WAC: variants seen among roughly 807,000 people sequenced by gnomAD.
WAC encodes the protein WW domain containing adaptor with coiled-coil.
Under a neutral mutation model 79.6 loss-of-function variants are expected in WAC, and 11 were observed. The observed-to-expected ratio is 0.14, with a 90% CI of 0.09 to 0.23. The LOEUF is 0.23. Among genes scored for constraint, WAC ranks in the 10% least tolerant of loss-of-function variants. WAC has a pLI of 1.00. For missense variants in WAC, 728 were observed against 773.5 expected (o/e 0.94, Z 0.70); for synonymous variants, 304 against 276.9 (o/e 1.10, Z -0.97).
Position 28,534,026 on chromosome 10 carries a change from C to G in WAC, c.70C>G (p.Pro24Ala), listed in dbSNP as rs1355086566. The part of the protein sequence containing the change: ...GCHDRRGDSQ[P>A]YQALKYSSKS... ...TCACGACCGGAGGGGGGACTCGCAG[C>G]CTTACCAGGTACCAGCCGAGGCCGG... Residue 24 changes from proline (P) to alanine (A), a missense_variant, in exon 2 of 14, where the codon CCT (proline) becomes GCT (alanine). Transcript: ENST00000354911. The G allele has an allele frequency of 6.3e-7, 1 of 1,591,112 alleles. No individual in the cohort carries two copies. The highest frequency in any genetic ancestry group is 2.4e-5 in the East Asian group (1 of 41,772).
At chr10:28,615,588 T>G (rs1401570171) in intron 11 of WAC, 2 of 152,218 alleles carry the variant, frequency 1.3e-5, no homozygotes, top group Non-Finnish European at 2.9e-5. Context: ...GAGATCAACT[T>G]GGGTGATTAA....
chr10:28,579,647 T>C (rs1564398133), intron 3 of WAC, among the ~76,000 whole-genome samples: 1 of 152,144 alleles, frequency 6.6e-6, no homozygotes, highest in African/African-American at 2.4e-5. Flanking sequence ...CTCTAGAAAA[T>C]CATAACCACC....
chr10:28,595,953 G>T lies in WAC; in HGVS notation c.831G>T (p.Lys277Asn). Residue 277 changes from lysine (K) to asparagine (N), a missense_variant, in exon 7 of 14, where the codon AAG becomes AAT. Lys to Asn is a moderately conservative substitution (Grantham distance 94). Transcript: ENST00000354911. ...CGCTACAGTCTGATCACCAGCCAAAGAAATCATTTGATGCTAATGGAGCAT... is the reference window on the plus strand; with the variant it reads ...CGCTACAGTCTGATCACCAGCCAAATAAATCATTTGATGCTAATGGAGCAT... ...PFTLQSDHQP[K>N]KSFDANGAST... is the part of the protein sequence containing the mutation. 6.2e-7 allele frequency: 1 copy of T among 1,614,130 alleles called. No homozygotes were observed. The highest frequency in any genetic ancestry group is 1.1e-5 in the South Asian group (1 of 91,086).
At chr10:28,592,060 A>T (rs184322927) in intron 6 of WAC, among the ~76,000 whole-genome samples, 1 of 152,268 alleles carries the variant, frequency 6.6e-6, no homozygotes, top group African/African-American at 2.4e-5. Flanking sequence ...ACAGTAACAT[A>T]CATCTGCAGG....
chr10:28,558,935 T>A (rs578224288), intron 3 of WAC, among the ~76,000 whole-genome samples: 1 of 152,196 alleles, frequency 6.6e-6, no homozygotes, highest in South Asian at 2.1e-4. Flanking sequence ...CGAATACGGG[T>A]AGTTCATTTG....
chr10:28,611,212 T>C (rs1300877723), intron 9 of WAC: 3 of 1,255,150 alleles, frequency 2.4e-6, no homozygotes, highest in African/African-American at 1.5e-5. Flanking sequence ...AGATGTTTTT[T>C]GACTGGATAA....
chr10:28,533,529 T>G lies in WAC; in HGVS notation c.-51T>G. 1.1e-5 allele frequency: 13 copies of G among 1,207,560 alleles called. No homozygotes were observed. The highest frequency in any genetic ancestry group is 2.1e-5 in the South Asian group (1 of 47,408). 74.8% of individuals were successfully genotyped at this position (1,207,560 alleles called of 1,614,324 possible). On this transcript the variant is annotated 5_prime_UTR_variant, in exon 1 of 14. Transcript: ENST00000354911. The stretch of plus-strand genomic sequence containing the variant: ...CCGCCGCCTGCGCGCCCGCCCGCCT[T>G]TCGCGGCCGCTCTCCCCCCTCCCCG...
At chr10:28,585,333 C>T (rs891370508) in intron 4 of WAC, among the ~76,000 whole-genome samples, 3 of 151,984 alleles carry the variant, frequency 2.0e-5, no homozygotes, top group Non-Finnish European at 4.4e-5. Flanking sequence ...GTAACAACGG[C>T]GGCTGCTCCT....
At chr10:28,558,380 A>G (rs1838114979) in intron 3 of WAC, among the ~76,000 whole-genome samples, 1 of 152,164 alleles carries the variant, frequency 6.6e-6, no homozygotes, top group African/African-American at 2.4e-5. Flanking sequence ...GCGCAAAGAA[A>G]TTATTTGATT....
In WAC at chr10:28,611,762, CCT is replaced by C; in HGVS notation, c.1289-9_1289-8del. On this transcript the variant is annotated splice_polypyrimidine_tract_variant and intron_variant, in intron 9 of 13. Coordinates refer to ENST00000354911, the MANE Select transcript of WAC (RefSeq NM_016628.5). ...GTTTTTCTTTAAAATTAATTGCTTC[CCT>C]CTTTTACAGCCCAGCCATCTAATCA... The C allele has an allele frequency of 6.2e-7, 1 of 1,601,172 alleles. No individual in the cohort carries two copies.
At chr10:28,554,437 G>C (rs1170237164) in intron 3 of WAC, among the ~76,000 whole-genome samples, 1 of 152,120 alleles carries the variant, frequency 6.6e-6, no homozygotes, top group Admixed American at 6.5e-5. Context: ...GAACTACTGA[G>C]GTTTAATAAA....
intron 3 of WAC, among the ~76,000 whole-genome samples, chr10:28,544,005 CCCAAATAGCTGGGA>C (rs1837207961): frequency 6.6e-6 from 1 of 152,140 alleles, no homozygotes; most frequent in Admixed American, 6.6e-5. Flanking sequence ...TTTCCCGCCA[CCCAAATAGCTGGGA>C]TTACAGGTGC....
chr10:28,585,381 A>G (rs1839765068), intron 4 of WAC, among the ~76,000 whole-genome samples: 1 of 152,038 alleles, frequency 6.6e-6, no homozygotes, highest in Non-Finnish European at 1.5e-5. Flanking sequence ...TTCTAAGAGG[A>G]AGGAAGCCAT....
Position 28,583,388 on chromosome 10 carries a change from AT to A in WAC, c.275-4del. On this transcript the variant is annotated splice_polypyrimidine_tract_variant and intron_variant, in intron 3 of 13. Transcript: ENST00000354911. ...TTACTTGTAATTCACTTTGTTCTTT[AT>A]TTTTTTAAGGGACCAGTTACTCTCC... The A allele has an allele frequency of 4.5e-6, 7 of 1,562,202 alleles. No individual in the cohort carries two copies. Among genetic ancestry groups the A allele is most frequent in the Admixed American group, 2.1e-5 (1 of 48,204 alleles).
Position 28,610,759 on chromosome 10 carries a change from C to T in WAC, c.1226C>T (p.Ala409Val), listed in dbSNP as rs776890140. 1.2e-6 allele frequency: 2 copies of T among 1,612,730 alleles called. No individual in the cohort carries two copies. The highest frequency in any genetic ancestry group is 2.2e-5 in the South Asian group (2 of 90,964). The part of the protein sequence containing the change: ...LQSIIHKFLT[A>V]GPSAFNITSL... Reference sequence around the variant, plus strand: ...TCTATAATTCATAAGTTTCTTACTGCTGGACCATCTGCTTTCAACATAACG... The same window carrying T: ...TCTATAATTCATAAGTTTCTTACTGTTGGACCATCTGCTTTCAACATAACG... The change falls in exon 9 of 14, where the codon GCT becomes GTT. Residue 409 changes from alanine (A) to valine (V), a missense_variant. Physicochemically the swap from Ala to Val is moderately conservative, Grantham distance 64. Around this residue, in one of 3 missense-constraint regions of WAC, gnomAD observed 648 missense variants for 661.5 expected, o/e 0.98. Transcript: ENST00000354911.
intron 3 of WAC, among the ~76,000 whole-genome samples, chr10:28,558,932 G>A (rs758156746): frequency 1.4e-4 from 22 of 152,214 alleles, no homozygotes; most frequent in Admixed American, 3.3e-4. Context: ...TGACGAATAC[G>A]GGTAGTTCAT....
At chr10:28,618,025 A>T in intron 13 of WAC, 2 of 283,308 alleles carry the variant, frequency 7.1e-6, no homozygotes, top group Non-Finnish European at 1.3e-5. Flanking sequence ...AAGCTGCAAT[A>T]ATATATTACT....
At chr10:28,581,404 C>G (rs1306175148) in intron 3 of WAC, among the ~76,000 whole-genome samples, 1 of 151,730 alleles carries the variant, frequency 6.6e-6, no homozygotes, top group East Asian at 2.0e-4. Context: ...CCTCTTTCAC[C>G]TCTTTATCAG....
At chr10:28,544,052 T>G (rs1285028458) in intron 3 of WAC, among the ~76,000 whole-genome samples, 1 of 152,122 alleles carries the variant, frequency 6.6e-6, no homozygotes, top group Non-Finnish European at 1.5e-5. Flanking sequence ...CCAGCTAATT[T>G]TTGTATTTTT....
Sources: gnomAD v4.1 joint callset for allele counts (sites outside exome capture counted in the v4.1 genomes callset) on GRCh38, gnomAD v4.1.1 for gene constraint, gnomAD v4.1.1 regional missense constraint, MANE v1.5 for transcripts, NCBI Gene and HGNC (gene_info 2026-07-23, HGNC 2026-07-21) for gene names.